The following NRN1 variants were observed in gnomAD, a reference collection of about 807,000 sequenced individuals.
The protein encoded by NRN1 is neuritin 1, also known as neuritin.
NRN1 carries 4 observed loss-of-function variants against 15.0 expected under a neutral mutation model. The observed-to-expected ratio is 0.27, with a 90% CI of 0.13 to 0.61. The LOEUF is 0.61. Among genes scored for constraint, NRN1 ranks in the 20% least tolerant of loss-of-function variants. The pLI is 0.87. For missense variants in NRN1, 134 were observed against 181.9 expected (o/e 0.74, Z 1.51); for synonymous variants, 85 against 79.8 (o/e 1.07, Z -0.35).
intron 2 of NRN1, 109 bp from the exon 3 acceptor site, chr6:5,999,313 G>C: frequency 1.1e-6 from 1 of 886,806 alleles, no homozygotes; most frequent in East Asian, 2.6e-5. Flanking sequence ...CAACTTCCCG[G>C]GGTGTCCCCT....
chr6:6,000,754 C>CTTTTTTTTTTTTTTTTTTTTT (rs1561902807), intron 2 of NRN1, among the ~76,000 whole-genome samples: 1 of 83,732 alleles, frequency 1.2e-5, no homozygotes, highest in Non-Finnish European at 2.5e-5. Context: ...TTTTTATGTA[C>CTTTTTTTTTTTTTTTTTTTTT]GCCCAGATGA....
chr6:6,000,748 T>TTTTTTTTTTTTTTTTTTTTA (rs1554145373), intron 2 of NRN1, among the ~76,000 whole-genome samples: 3 of 99,098 alleles, frequency 3.0e-5, no homozygotes, highest in Non-Finnish European at 4.0e-5. Flanking sequence ...TTTTTTTTTT[T>TTTTTTTTTTTTTTTTTTTTA]ATGTACGCCC....
At chr6:6,002,262 G>T in intron 2 of NRN1, 91 bp downstream of exon 2, 1 of 1,497,600 alleles carries the variant, frequency 6.7e-7, no homozygotes, top group South Asian at 1.2e-5. Context: ...CGCTGGCGCT[G>T]AACGCTGAGC....
intron 2 of NRN1, among the ~76,000 whole-genome samples, chr6:6,000,067 C>T (rs192268287): frequency 3.2e-3 from 483 of 152,338 alleles, no homozygotes; most frequent in Non-Finnish European, 5.4e-3. Context: ...CCAGTCTTTT[C>T]CGTGGGCTTG....
upstream of NRN1, among the ~76,000 whole-genome samples, chr6:6,007,269 AG>A (rs1364535150): frequency 1.3e-5 from 2 of 150,910 alleles, no homozygotes; most frequent in African/African-American, 2.4e-5. Context: ...TGCGCAGAAC[AG>A]GGGCTCCCCC....
chr6:5,999,349 C>T, intron 2 of NRN1, 145 bp from the exon 3 acceptor site: 1 of 672,040 alleles, frequency 1.5e-6, no homozygotes, highest in Non-Finnish European at 2.5e-6. Flanking sequence ...ACCGCCCTGG[C>T]GCCTGGCCTG....
intron 2 of NRN1, among the ~76,000 whole-genome samples, chr6:6,001,060 A>G (rs958800949): frequency 1.3e-5 from 2 of 152,186 alleles, no homozygotes; most frequent in Non-Finnish European, 2.9e-5. Flanking sequence ...ATCCATCACG[A>G]GACTTTTAGA....
chr6:6,003,827 G>A, intron 1 of NRN1: 2 of 1,233,680 alleles, frequency 1.6e-6, no homozygotes, highest in Non-Finnish European at 2.0e-6. Context: ...GAAGCACAGC[G>A]TTAGGGCGGG....
At position 6,002,470 on chromosome 6, in the gene NRN1, G is replaced by T. The variant is rs1757978857; in HGVS notation, c.83C>A (p.Ala28Glu). 6.2e-7 allele frequency: 1 copy of T among 1,613,944 alleles called. No homozygotes were observed. Among genetic ancestry groups the T allele is most frequent in the African/African-American group, 1.3e-5 (1 of 74,934 alleles). ...CTTGAAGACCGCATCGCACTTGCCC[G>T]CTGCTCTCACGGCCTGCACCAGATA... is the stretch of plus-strand genomic sequence containing the variant. ...IAYLVQAVRA[A>E]GKCDAVFKGF... Residue 28 changes from alanine to glutamate, a missense_variant, in exon 2 of 3, where the codon GCG (alanine) becomes GAG (glutamate). Coordinates refer to ENST00000244766, the MANE Select transcript of NRN1 (RefSeq NM_016588.3).
chr6:6,002,839 TTTA>T (rs1378567351), intron 1 of NRN1: 1 of 385,528 alleles, frequency 2.6e-6, no homozygotes, highest in Non-Finnish European at 4.7e-6. Context: ...CCTCATCCCT[TTTA>T]TTTCTCTTTC....
chr6:6,006,634 C>T, intron 1 of NRN1, 61 bp downstream of exon 1: 5 of 1,561,704 alleles, frequency 3.2e-6, no homozygotes, highest in Non-Finnish European at 3.5e-6. Context: ...CCCTCCGCGC[C>T]TCGGGCCGGG....
At chr6:6,000,975 G>T (rs1370051178) in intron 2 of NRN1, among the ~76,000 whole-genome samples, 1 of 152,072 alleles carries the variant, frequency 6.6e-6, no homozygotes, top group Non-Finnish European at 1.5e-5. Context: ...GAATAAACAA[G>T]TTCCACCAAA....
At position 6,003,362 on chromosome 6, in the gene NRN1, C is replaced by G. The variant is rs543671412; in HGVS notation, c.56-865G>C. 32 of 710,146 alleles carry G rather than the reference C, an allele frequency of 4.5e-5. 1 individual carries two copies. The South Asian group carries it at 2.0e-3, about 45-fold the overall frequency. 44.0% of individuals were successfully genotyped at this position (710,146 alleles called of 1,614,324 possible). On this transcript the variant is annotated intron_variant, in intron 1 of 2. Coordinates refer to ENST00000244766, the MANE Select transcript of NRN1 (RefSeq NM_016588.3). Reference sequence around the variant, plus strand: ...AAAGGCCAAATCCACGAACCTCGGGCCTCTTTCTCTCCTCCTCCCCTGTCC... The same window carrying G: ...AAAGGCCAAATCCACGAACCTCGGGGCTCTTTCTCTCCTCCTCCCCTGTCC...
intron 1 of NRN1, among the ~76,000 whole-genome samples, chr6:6,004,480 A>T (rs1758055636): frequency 6.6e-6 from 1 of 152,094 alleles, no homozygotes. Flanking sequence ...ATGCATTGAC[A>T]TTTTTTAAGG....
rs199538137 is a variant in NRN1 at position 6,002,326 on chromosome 6, G to A, written c.200+27C>T. On this transcript the variant is annotated intron_variant, in intron 2 of 2. Transcript: ENST00000244766. ...CCTCAGTAGCGCCCCCAAAACCGAA[G>A]TCCAGCCGGCCAGAGAGGACACTTA... The A allele has an allele frequency of 2.4e-3, 3,792 of 1,610,838 alleles. 7 individuals carry two copies. The highest frequency in any genetic ancestry group is 3.0e-3 in the Non-Finnish European group (3,556 of 1,177,476).
At chr6:6,002,630 C>G in intron 1 of NRN1, 133 bp from the exon 2 acceptor site, 1 of 1,207,246 alleles carries the variant, frequency 8.3e-7, no homozygotes, top group Non-Finnish European at 1.1e-6. Context: ...AGCCTCGGGG[C>G]TCGCCAGTGT....
upstream of NRN1, among the ~76,000 whole-genome samples, chr6:6,007,314 G>A (rs963400067): frequency 1.3e-5 from 2 of 151,654 alleles, no homozygotes; most frequent in African/African-American, 4.8e-5. Context: ...GAGTCCTGGC[G>A]CGCCCACTCG....
chr6:6,003,050 G>T, intron 1 of NRN1: 1 of 556,390 alleles, frequency 1.8e-6, no homozygotes, highest in Non-Finnish European at 2.7e-6. Context: ...CCTCAGGCTT[G>T]GCGCTCTGTC....
chr6:6,005,939 C>T (rs888925419), intron 1 of NRN1, among the ~76,000 whole-genome samples: 6 of 152,180 alleles, frequency 3.9e-5, no homozygotes, highest in African/African-American at 1.4e-4. Flanking sequence ...TAACCAATCC[C>T]AAACAAACAA....
Sources: gnomAD v4.1 joint callset for allele counts (sites outside exome capture counted in the v4.1 genomes callset) on GRCh38, gnomAD v4.1.1 for gene constraint, MANE v1.5 for transcripts, NCBI Gene and HGNC (gene_info 2026-07-23, HGNC 2026-07-21) for gene names.